Variants in DNAH6 observed in about 807,000 individuals in gnomAD.
The protein encoded by DNAH6 is axonemal beta dynein heavy chain 6.
DNAH6 carries 340 observed loss-of-function variants against 491.4 expected under a neutral mutation model. That is an observed-to-expected ratio of 0.69 (90% CI 0.63 to 0.76). DNAH6 has a LOEUF of 0.76. Among genes scored for constraint, DNAH6 ranks in the 30% least tolerant of loss-of-function variants. The pLI, the probability that DNAH6 is intolerant of heterozygous loss-of-function variation, is 0.00. For synonymous variants in DNAH6, 1,603 were observed against 1,686.1 expected, an observed-to-expected ratio of 0.95 and a Z score of 1.21; for missense variants, 4,443 against 4,972.2, an observed-to-expected ratio of 0.89 and a Z score of 3.20.
At chr2:84,771,091 C>T (rs545071542) in intron 64 of DNAH6, among the ~76,000 whole-genome samples, 2 of 152,038 alleles carry the variant, frequency 1.3e-5, no homozygotes, top group South Asian at 4.2e-4. Context: ...GAGTTTGAGA[C>T]CAGCTTGCCC....
At chr2:84,721,946 A>G (rs1192337) in intron 59 of DNAH6, among the ~76,000 whole-genome samples, 16,868 of 152,230 alleles carry the variant, frequency 0.11, 1,186 homozygotes, top group African/African-American at 0.19. Flanking sequence ...ACAGCAGTAG[A>G]AAGAGAGAGA....
At chr2:84,809,315 G>C (rs1051128350) in intron 72 of DNAH6, among the ~76,000 whole-genome samples, 1 of 152,216 alleles carries the variant, frequency 6.6e-6, no homozygotes, top group African/African-American at 2.4e-5. Flanking sequence ...GATAAGATTG[G>C]GGGAGAACTG....
chr2:84,486,664 C>T, the DNAH6 span, among the ~76,000 whole-genome samples: 1 of 152,186 alleles, frequency 6.6e-6, no homozygotes, highest in Non-Finnish European at 1.5e-5. Context: ...GGCTTGCCTC[C>T]TTTATTGCCC....
intron 64 of DNAH6, among the ~76,000 whole-genome samples, chr2:84,769,176 A>G (rs1216148698): frequency 6.6e-6 from 1 of 152,256 alleles, no homozygotes; most frequent in African/African-American, 2.4e-5. Context: ...TGGGGATGGC[A>G]GGAGCTGCGG....
At chr2:84,719,899 GAC>G (rs1332177394) in intron 59 of DNAH6, among the ~76,000 whole-genome samples, 2 of 129,172 alleles carry the variant, frequency 1.5e-5, no homozygotes, top group Non-Finnish European at 3.3e-5. Context: ...CACACACACA[GAC>G]ACACACACAC....
intron 42 of DNAH6, among the ~76,000 whole-genome samples, chr2:84,683,873 A>G (rs1694044576): frequency 6.6e-6 from 1 of 152,136 alleles, no homozygotes; most frequent in Admixed American, 6.5e-5. Context: ...TGTCTTCATC[A>G]CAATCTAAGT....
intron 72 of DNAH6, among the ~76,000 whole-genome samples, chr2:84,810,379 T>C (rs1679851965): frequency 6.6e-6 from 1 of 152,342 alleles, no homozygotes; most frequent in East Asian, 1.9e-4. Context: ...TTGGTCACTT[T>C]TTCTGGTCAA....
intron 76 of DNAH6, among the ~76,000 whole-genome samples, chr2:84,818,685 G>T (rs1187303833): frequency 1.3e-5 from 2 of 152,050 alleles, no homozygotes; most frequent in African/African-American, 4.8e-5. Context: ...ATTACAAGGG[G>T]GCGGCAAAAG....
chr2:84,752,671 T>C (rs1293237398), intron 63 of DNAH6, among the ~76,000 whole-genome samples: 1 of 151,900 alleles, frequency 6.6e-6, no homozygotes, highest in Non-Finnish European at 1.5e-5. Flanking sequence ...CCTATTCTGT[T>C]TTTTTTGTAT....
chr2:84,579,448 C>T, intron 13 of DNAH6, 79 bp from the exon 14 acceptor site: 1 of 1,492,088 alleles, frequency 6.7e-7, no homozygotes, highest in Non-Finnish European at 9.2e-7. Context: ...TTTAACAAAT[C>T]CAATTAGGAT....
At chr2:84,764,612 C>G (rs985424848) in intron 64 of DNAH6, among the ~76,000 whole-genome samples, 3 of 152,104 alleles carry the variant, frequency 2.0e-5, no homozygotes, top group African/African-American at 7.2e-5. Context: ...GAGAAAAAAT[C>G]AATCATATTT....
rs1472026795 is a variant in DNAH6 at position 84,703,468 on chromosome 2, A to G, written c.8135A>G (p.Asp2712Gly). ...ATACTAGTAGATAAAATGAAACTAG[A>G]TCTTTCAGCTTTAGAGCCTGTACTT... ...TNILVDKMKL[D>G]LSALEPVLLA... Residue 2712 changes from aspartate (D) to glycine (G), a missense_variant, in exon 50 of 77, where the codon GAT becomes GGT. By Grantham distance (94) the Asp-to-Gly change is moderately conservative. Around this residue, in one of 3 missense-constraint regions of DNAH6, gnomAD observed 2,977 missense variants for 3,296.6 expected, o/e 0.90. Coordinates refer to ENST00000389394, the MANE Select transcript of DNAH6 (RefSeq NM_001370.2). 6.4e-7 allele frequency: 1 copy of G among 1,550,482 alleles called. No individual in the cohort carries two copies.
rs551285465 is a variant in DNAH6, at chr2:84,702,974, C to A, written c.8062-421C>A. Among the ~76,000 whole-genome samples, 3 of 152,276 alleles carry A rather than the reference C, an allele frequency of 2.0e-5. No individual in the cohort carries two copies. The South Asian group carries it at 6.2e-4, about 32-fold the overall frequency. ...TCAAATCCAGCAGCTAGAGCTACAC[C>A]CTCTGGACCTCATCTCCCTAGGGGT... On this transcript the variant is annotated intron_variant, in intron 49 of 76. Transcript: ENST00000389394.
chr2:84,588,482 G>A (rs1460704), intron 15 of DNAH6, among the ~76,000 whole-genome samples: 3 of 152,004 alleles, frequency 2.0e-5, no homozygotes, highest in South Asian at 2.1e-4. Context: ...GAAATTTACC[G>A]TATATCATAT....
At chr2:84,518,707 C>T (rs1451836569) in intron 2 of DNAH6, among the ~76,000 whole-genome samples, 1 of 152,124 alleles carries the variant, frequency 6.6e-6, no homozygotes, top group East Asian at 1.9e-4. Context: ...TTGTTATGTG[C>T]GTACTCTGTG....
chr2:84,752,669 G>GT (rs973626814), intron 63 of DNAH6, among the ~76,000 whole-genome samples: 28 of 151,192 alleles, frequency 1.9e-4, no homozygotes, highest in African/African-American at 6.3e-4. Context: ...TGCCTATTCT[G>GT]TTTTTTTTGT....
chr2:84,658,679 G>A (rs1691207675), intron 36 of DNAH6, among the ~76,000 whole-genome samples: 1 of 151,966 alleles, frequency 6.6e-6, no homozygotes. Context: ...ACTCAGTTTT[G>A]AATTCTCTTA....
At chr2:84,518,092 A>G (rs1347055097) in intron 2 of DNAH6, 41 bp downstream of exon 2, 3 of 1,451,948 alleles carry the variant, frequency 2.1e-6, no homozygotes, top group Non-Finnish European at 1.8e-6. Context: ...GTAGCCACAG[A>G]GGAAGTTGTA....
chr2:84,783,478 G>T (rs1676891113), intron 65 of DNAH6, among the ~76,000 whole-genome samples: 2 of 152,118 alleles, frequency 1.3e-5, no homozygotes, highest in South Asian at 4.1e-4. Flanking sequence ...CTAAGACTTT[G>T]GTTGTTGTTT....
Sources: gnomAD v4.1 joint callset for allele counts (sites outside exome capture counted in the v4.1 genomes callset) on GRCh38, gnomAD v4.1.1 for gene constraint, gnomAD v4.1.1 regional missense constraint, MANE v1.5 for transcripts, NCBI Gene and HGNC (gene_info 2026-07-23, HGNC 2026-07-21) for gene names.